ADCY9: variants seen among roughly 807,000 people sequenced by gnomAD.
ADCY9 encodes the protein adenylate cyclase type 9.
ADCY9 carries 50 observed loss-of-function variants against 101.5 expected under a neutral mutation model. The ratio of observed to expected loss-of-function variants is 0.49; its 90% CI spans 0.39 to 0.62. The LOEUF (loss-of-function observed/expected upper bound fraction) is 0.62. Among genes scored for constraint, ADCY9 ranks in the 20% least tolerant of loss-of-function variants. The pLI is 0.00. For synonymous variants in ADCY9, 905 were observed against 769.3 expected, an observed-to-expected ratio of 1.18 and a Z score of -2.92; for missense variants, 1,662 against 1,800.4, an observed-to-expected ratio of 0.92 and a Z score of 1.39.
At chr16:4,093,008 T>C (rs187113890) in intron 2 of ADCY9, among the ~76,000 whole-genome samples, 386 of 151,958 alleles carry the variant, frequency 2.5e-3, no homozygotes, top group Non-Finnish European at 3.9e-3. Flanking sequence ...CCTATTTTTA[T>C]AGAGAAATTG....
Position 4,113,942 on chromosome 16 carries a change from C to A in ADCY9, c.1501G>T (p.Gly501Cys). The change falls in exon 2 of 11, where the codon GGC becomes TGC. Residue 501 changes from glycine (G) to cysteine (C), a missense_variant. By Grantham distance (159) the Gly-to-Cys change is radical (BLOSUM62 -3). Transcript: ENST00000294016. ...ACGTCAAATTTAAACCTCCTCATGC[C>A]CAGGATGCCGCAAAGGACGGTGCCC... ...HTGTVLCGIL[G>C]MRRFKFDVWS... 6.2e-7 allele frequency: 1 copy of A among 1,614,080 alleles called. No homozygotes were observed. Among genetic ancestry groups the A allele is most frequent in the Non-Finnish European group, 8.5e-7 (1 of 1,180,032 alleles).
intron 2 of ADCY9, among the ~76,000 whole-genome samples, chr16:4,098,128 T>C (rs1163078439): frequency 6.6e-6 from 1 of 152,022 alleles, no homozygotes; most frequent in East Asian, 1.9e-4. Flanking sequence ...CCTTCTGGAA[T>C]GTTCCACAGC....
intron 2 of ADCY9, among the ~76,000 whole-genome samples, chr16:4,069,272 G>GTTATTA (rs57466737): frequency 0.35 from 51,967 of 147,088 alleles, 9,992 homozygotes; most frequent in Non-Finnish European, 0.43. Flanking sequence ...GTTGTTGTAA[G>GTTATTA]TTATTATTAT....
chr16:4,054,517 G>A (rs566000356), intron 2 of ADCY9, among the ~76,000 whole-genome samples: 1 of 152,082 alleles, frequency 6.6e-6, no homozygotes, highest in South Asian at 2.1e-4. Context: ...GGAGGTATTA[G>A]ATACGGGAAG....
intron 2 of ADCY9, among the ~76,000 whole-genome samples, chr16:4,108,890 A>G (rs898218815): frequency 1.5e-4 from 22 of 146,612 alleles, no homozygotes; most frequent in African/African-American, 5.3e-4. Context: ...ATTTTTAGTA[A>G]ATATGGGGTT....
intron 2 of ADCY9, among the ~76,000 whole-genome samples, chr16:4,036,329 CCCT>C (rs1404153397): frequency 1.3e-5 from 2 of 151,996 alleles, no homozygotes; most frequent in African/African-American, 4.8e-5. Flanking sequence ...ATTCAACACC[CCCT>C]TTTTATTTAT....
chr16:3,976,524 T>C (rs1003075889), intron 9 of ADCY9, among the ~76,000 whole-genome samples: 1 of 152,194 alleles, frequency 6.6e-6, no homozygotes, highest in African/African-American at 2.4e-5. Context: ...CCTCAGCACC[T>C]ACCAGTGATA....
chr16:4,097,557 T>TATATATATATATATATATACA lies in ADCY9; in HGVS notation c.1693+16192_1693+16193insTGTATATATATATATATATAT, dbSNP rs1567147096. 2.5e-5 allele frequency among the ~76,000 whole-genome samples: 2 copies of TATATATATATATATATATACA among 79,700 alleles called. 1 individual carries two copies. Among genetic ancestry groups the TATATATATATATATATATACA allele is most frequent in the African/African-American group, 1.5e-4 (2 of 12,922 alleles). 52.3% of individuals were successfully genotyped at this position (79,700 alleles called of 152,430 possible). On this transcript the variant is annotated intron_variant, in intron 2 of 10. Transcript: ENST00000294016. ...TATATATATATATATATATATATTT[T>TATATATATATATATATATACA]TTTTTTTTTTTTTTAAGACAGAGTC...
In ADCY9 at chr16:4,114,697, C is replaced by G; in HGVS notation, c.746G>C (p.Gly249Ala). Residue 249 changes from glycine (G) to alanine (A), a missense_variant, in exon 2 of 11, where the codon GGG becomes GCG. Gly to Ala is a moderately conservative substitution (Grantham distance 60). This residue lies in a region of ADCY9 where 422 missense variants were observed against 392.0 expected (regional missense o/e 1.08). Transcript: ENST00000294016. The surrounding 1 kb of genome is among the most constrained non-coding windows in gnomAD (Gnocchi z 4.3). ...HLPLYLSLCL[G>A]VAYSVLFETF... is the part of the protein sequence containing the mutation. ...CTCGAAAAGGACAGAGTAGGCCACC[C>G]CCAGACACAAACTCAGGTACAAAGG... is the stretch of plus-strand genomic sequence containing the variant. 1 of 1,613,136 alleles carries G rather than the reference C, an allele frequency of 6.2e-7. No individual in the cohort carries two copies. Among genetic ancestry groups the G allele is most frequent in the South Asian group, 1.1e-5 (1 of 91,086 alleles).
At position 3,977,691 on chromosome 16, in the gene ADCY9, C is replaced by G. The variant is rs1023725538; in HGVS notation, c.2680-61G>C. 159 of 1,548,634 alleles carry G rather than the reference C, an allele frequency of 1.0e-4. No homozygotes were observed. In the African/African-American group the frequency reaches 2.0e-3, roughly 19 times the overall value. On this transcript the variant is annotated intron_variant, in intron 8 of 10. Transcript: ENST00000294016. Reference sequence around the variant, plus strand: ...GCCACCCCGCCACCCCTGCTATACCCGGCCGCCAAAACATTCGCCACTAAT... The same window carrying G: ...GCCACCCCGCCACCCCTGCTATACCGGGCCGCCAAAACATTCGCCACTAAT...
chr16:3,977,019 C>T (rs1161701621), intron 9 of ADCY9, among the ~76,000 whole-genome samples: 2 of 152,188 alleles, frequency 1.3e-5, no homozygotes, highest in Non-Finnish European at 2.9e-5. Context: ...TCTTCACCTC[C>T]TCCTTCCAGG....
chr16:3,978,053 G>T (rs2056107990), intron 8 of ADCY9, among the ~76,000 whole-genome samples: 1 of 152,072 alleles, frequency 6.6e-6, no homozygotes, highest in African/African-American at 2.4e-5. Flanking sequence ...AAATATCACC[G>T]ATACCAGCTA....
chr16:3,954,572 G>A (rs1405238965), intron 5 of ADCY9, among the ~76,000 whole-genome samples: 5 of 152,176 alleles, frequency 3.3e-5, no homozygotes, highest in African/African-American at 1.2e-4. Context: ...CTGGGCCAGT[G>A]AGTAGGGTCC....
intron 2 of ADCY9, among the ~76,000 whole-genome samples, chr16:4,053,130 G>A (rs1046596795): frequency 1.3e-5 from 2 of 150,356 alleles, no homozygotes; most frequent in Admixed American, 1.3e-4. Context: ...GATGTGGGAC[G>A]AACGTGATTA....
intron 2 of ADCY9, among the ~76,000 whole-genome samples, chr16:4,104,622 A>G (rs2057064494): frequency 6.6e-6 from 1 of 152,100 alleles, no homozygotes. Flanking sequence ...AGAAAAAGAA[A>G]AAGAAACTAC....
intron 5 of ADCY9, among the ~76,000 whole-genome samples, chr16:3,990,958 C>T (rs1304963704): frequency 2.6e-5 from 4 of 152,170 alleles, no homozygotes; most frequent in African/African-American, 7.2e-5. Flanking sequence ...CGCCACCACG[C>T]CCAGCTAATT....
intron 10 of ADCY9, among the ~76,000 whole-genome samples, chr16:3,968,362 C>A (rs1406159997): frequency 6.6e-6 from 1 of 152,014 alleles, no homozygotes; most frequent in Non-Finnish European, 1.5e-5. Flanking sequence ...AAACTCCCGA[C>A]CTCAGGTGAT....
chr16:4,051,054 T>C (rs2056697957), intron 2 of ADCY9, among the ~76,000 whole-genome samples: 1 of 150,144 alleles, frequency 6.7e-6, no homozygotes, highest in South Asian at 2.1e-4. Flanking sequence ...CTCTACTAAA[T>C]ATACAAAAAT....
chr16:4,078,860 A>G (rs2056884754), intron 2 of ADCY9, among the ~76,000 whole-genome samples: 1 of 152,210 alleles, frequency 6.6e-6, no homozygotes, highest in East Asian at 1.9e-4. Flanking sequence ...AAGACAACCA[A>G]TTCACAAGCA....
Sources: allele counts gnomAD v4.1 joint callset (sites outside exome capture counted in the v4.1 genomes callset), GRCh38; gene constraint gnomAD v4.1.1; regional missense constraint gnomAD v4.1.1; non-coding constraint Gnocchi (gnomAD v3.1); transcripts MANE v1.5; gene names NCBI Gene and HGNC (gene_info 2026-07-23, HGNC 2026-07-21).